The following ATP8A2 variants were observed in gnomAD, a reference collection of about 807,000 sequenced individuals.
ATP8A2 encodes the protein ATPase phospholipid transporting 8A2, also known as phospholipid-transporting ATPase IB.
ATP8A2 carries 100 observed loss-of-function variants against 165.6 expected under a neutral mutation model. That is an observed-to-expected ratio of 0.60 (90% confidence interval 0.51 to 0.71). ATP8A2 has a LOEUF of 0.71. Among genes scored for constraint, ATP8A2 ranks in the 30% least tolerant of loss-of-function variants. The probability of loss-of-function intolerance (pLI) is 0.00; values close to 1 mark genes in which losing one functional copy is unlikely to be tolerated. For synonymous variants in ATP8A2, 543 were observed against 548.8 expected, an observed-to-expected ratio of 0.99 and a Z score of 0.15; for missense variants, 1,227 against 1,479.5, an observed-to-expected ratio of 0.83 and a Z score of 2.80.
intron 1 of ATP8A2, among the ~76,000 whole-genome samples, chr13:25,444,998 A>G (rs769706498): frequency 3.3e-5 from 5 of 152,146 alleles, no homozygotes; most frequent in Non-Finnish European, 7.4e-5. Context: ...TAACATGTTG[A>G]AGCCTTTTGC....
Position 25,619,714 on chromosome 13 carries a change from A to G in ATP8A2, c.2211+30015A>G, listed in dbSNP as rs140043102. Among the ~76,000 whole-genome samples, 86 of 152,338 alleles carry G rather than the reference A, an allele frequency of 5.6e-4. 1 individual carries two copies. The East Asian group carries it at 0.014, about 25-fold the overall frequency. ...ATACTCTAAGAAGAATTAGGGAAGT[A>G]GTAGGTAAATAAGAAATTATCTAGA... On this transcript the variant is annotated intron_variant, in intron 24 of 36. Transcript: ENST00000381655.
chr13:25,871,201 G>C, intron 33 of ATP8A2: 2 of 421,066 alleles, frequency 4.7e-6, no homozygotes, highest in Non-Finnish European at 4.7e-6. Context: ...GCAAATTAAA[G>C]TACACATTAC....
intron 35 of ATP8A2, among the ~76,000 whole-genome samples, chr13:26,011,923 A>T (rs973484381): frequency 6.8e-6 from 1 of 146,780 alleles, no homozygotes; most frequent in Non-Finnish European, 1.5e-5. Context: ...CGACAGTGAG[A>T]CCCCATCTTT....
intron 2 of ATP8A2, among the ~76,000 whole-genome samples, chr13:25,474,875 G>C (rs2035949897): frequency 6.6e-6 from 1 of 151,738 alleles, no homozygotes; most frequent in Admixed American, 6.6e-5. Context: ...CTGTCGCCCA[G>C]GCTGGAGTGC....
chr13:25,619,167 G>A (rs974674694), intron 24 of ATP8A2, among the ~76,000 whole-genome samples: 5 of 152,206 alleles, frequency 3.3e-5, no homozygotes, highest in Admixed American at 3.3e-4. Flanking sequence ...GCTTTTCAGG[G>A]AGCAGAGGAC....
intron 36 of ATP8A2, 53 bp from the exon 37 acceptor site, chr13:26,019,835 G>A: frequency 1.5e-6 from 2 of 1,317,212 alleles, no homozygotes; most frequent in Non-Finnish European, 1.1e-6. Flanking sequence ...TAAACCTAGT[G>A]TGCTCCCCCA....
chr13:25,374,737 A>C (rs866351605), intron 1 of ATP8A2, among the ~76,000 whole-genome samples: 1 of 152,110 alleles, frequency 6.6e-6, no homozygotes, highest in Admixed American at 6.6e-5. Flanking sequence ...GTATTTGCAT[A>C]ATGTATGGAG....
chr13:25,631,151 C>T (rs76245027), intron 24 of ATP8A2, among the ~76,000 whole-genome samples: 5,266 of 152,236 alleles, frequency 0.035, 158 homozygotes, highest in East Asian at 0.13. Context: ...AAAAAACATA[C>T]CTGTGGTTTT....
At chr13:25,754,269 G>A (rs1467584272) in intron 25 of ATP8A2, among the ~76,000 whole-genome samples, 2 of 174 alleles carry the variant, frequency 0.011, no homozygotes, top group Non-Finnish European at 0.043. Flanking sequence ...TGACGAAGAA[G>A]AACTGGCCCT....
Position 25,630,261 on chromosome 13 carries a change from GA to G in ATP8A2, c.2211+40566del, listed in dbSNP as rs752026468. Among the ~76,000 whole-genome samples the G allele has an allele frequency of 6.0e-4, 92 of 152,164 alleles. 1 individual carries two copies. The highest frequency in any genetic ancestry group is 1.2e-3 in the Non-Finnish European group (80 of 68,022). On this transcript the variant is annotated intron_variant, in intron 24 of 36. Coordinates refer to ENST00000381655, the MANE Select transcript of ATP8A2 (RefSeq NM_016529.6). ...ATTCTAGTTTTGCTTTCAATTAGTG[GA>G]AAATAATGCATTCATAGAACAATTT...
At chr13:25,578,386 A>C (rs908753723) in intron 20 of ATP8A2, among the ~76,000 whole-genome samples, 5 of 152,178 alleles carry the variant, frequency 3.3e-5, no homozygotes, top group African/African-American at 1.2e-4. Flanking sequence ...TCAGCGCCCA[A>C]TGGGTTGTGC....
intron 27 of ATP8A2, among the ~76,000 whole-genome samples, chr13:25,800,694 G>A (rs1409268): frequency 0.041 from 6,257 of 152,174 alleles, 188 homozygotes; most frequent in African/African-American, 0.076. Flanking sequence ...CTCCCTGGGC[G>A]ATCGCCGTCA....
At chr13:26,016,269 G>T (rs1231962063) in intron 36 of ATP8A2, among the ~76,000 whole-genome samples, 1 of 152,166 alleles carries the variant, frequency 6.6e-6, no homozygotes, top group Non-Finnish European at 1.5e-5. Flanking sequence ...AGGATGGTGG[G>T]AGACATTTAG....
chr13:25,864,242 C>G (rs917100541), intron 33 of ATP8A2, among the ~76,000 whole-genome samples: 1 of 151,866 alleles, frequency 6.6e-6, no homozygotes, highest in African/African-American at 2.4e-5. Context: ...AGAGTGACAG[C>G]TGACAGGACG....
At chr13:25,378,981 A>G (rs2032740777) in intron 1 of ATP8A2, among the ~76,000 whole-genome samples, 1 of 152,192 alleles carries the variant, frequency 6.6e-6, no homozygotes, top group African/African-American at 2.4e-5. Flanking sequence ...TAAAAATTCT[A>G]TATGCATATT....
chr13:25,737,399 G>T (rs1195979513), intron 25 of ATP8A2, among the ~76,000 whole-genome samples: 7 of 152,204 alleles, frequency 4.6e-5, no homozygotes, highest in African/African-American at 1.7e-4. Context: ...GTTTGACCAA[G>T]AAGAGTCACC....
chr13:25,953,483 C>T lies in ATP8A2; in HGVS notation c.3184-8092C>T, dbSNP rs9581495. ...CAAATCCACGCCACATTGGGGAACA[C>T]AAACTGACCTTATGTAGCCCTGGTT... On this transcript the variant is annotated intron_variant, in intron 33 of 36. Coordinates refer to ENST00000381655, the MANE Select transcript of ATP8A2 (RefSeq NM_016529.6). The surrounding 1 kb of genome is among the most constrained non-coding windows in gnomAD (Gnocchi z 6.7). Among the ~76,000 whole-genome samples the T allele has an allele frequency of 0.1, 13,637 of 130,324 alleles. 757 individuals are homozygous for T. The highest frequency in any genetic ancestry group is 0.16 in the African/African-American group (5,515 of 35,066). 85.5% of individuals were successfully genotyped at this position (130,324 alleles called of 152,430 possible).
intron 2 of ATP8A2, among the ~76,000 whole-genome samples, chr13:25,498,505 G>GT (rs2036749684): frequency 6.6e-6 from 1 of 152,132 alleles, no homozygotes. Flanking sequence ...GTCTACCTTT[G>GT]TCTTGTTACT....
chr13:25,410,084 G>C (rs1593269105), intron 1 of ATP8A2, among the ~76,000 whole-genome samples: 1 of 150,954 alleles, frequency 6.6e-6, no homozygotes, highest in Admixed American at 6.6e-5. Flanking sequence ...CACATACAAC[G>C]TGTGCTCAGC....
Sources: gnomAD v4.1 joint callset for allele counts (sites outside exome capture counted in the v4.1 genomes callset) on GRCh38, gnomAD v4.1.1 for gene constraint, Gnocchi (gnomAD v3.1) non-coding constraint, MANE v1.5 for transcripts, NCBI Gene and HGNC (gene_info 2026-07-23, HGNC 2026-07-21) for gene names.